Variants in PDE10A observed in about 807,000 individuals in gnomAD.
The protein encoded by PDE10A is phosphodiesterase 10A.
Under a neutral mutation model 97.7 loss-of-function variants are expected in PDE10A, and 39 were observed. The observed-to-expected ratio is 0.40, with a 90% CI of 0.31 to 0.52. The LOEUF is 0.52. Among genes scored for constraint, PDE10A ranks in the 20% least tolerant of loss-of-function variants. PDE10A has a pLI of 0.56. For missense variants in PDE10A, 731 were observed against 1,047.8 expected (o/e 0.70, Z 4.17); for synonymous variants, 371 against 376.8 (o/e 0.98, Z 0.18).
intron 1 of PDE10A, among the ~76,000 whole-genome samples, chr6:165,778,134 G>A (rs898160562): frequency 6.6e-6 from 1 of 151,972 alleles, no homozygotes; most frequent in African/African-American, 2.4e-5. Flanking sequence ...GAGTGCAGTG[G>A]CACGATCTCA....
chr6:165,876,539 A>C (rs959321245), intron 1 of PDE10A, among the ~76,000 whole-genome samples: 1 of 152,116 alleles, frequency 6.6e-6, no homozygotes, highest in Non-Finnish European at 1.5e-5. Context: ...AAACTGAAAA[A>C]CCCAGAAATC....
chr6:165,491,981 G>T (rs1406786848), intron 2 of PDE10A, among the ~76,000 whole-genome samples: 1 of 151,250 alleles, frequency 6.6e-6, no homozygotes, highest in East Asian at 1.9e-4. Context: ...ACCAAGAAAA[G>T]AAGAGAGAAG....
intron 1 of PDE10A, among the ~76,000 whole-genome samples, chr6:165,736,865 A>T (rs1792587531): frequency 6.6e-6 from 1 of 152,124 alleles, no homozygotes; most frequent in South Asian, 2.1e-4. Flanking sequence ...CAATGGATCT[A>T]AGAGTTAGCT....
At chr6:165,815,782 A>G (rs1007651287) in intron 1 of PDE10A, among the ~76,000 whole-genome samples, 8 of 151,952 alleles carry the variant, frequency 5.3e-5, no homozygotes, top group African/African-American at 1.9e-4. Flanking sequence ...TCTTTTTTAA[A>G]TAGTTGCTTC....
intron 1 of PDE10A, among the ~76,000 whole-genome samples, chr6:165,835,508 G>A (rs1033641870): frequency 1.3e-5 from 2 of 152,224 alleles, no homozygotes; most frequent in African/African-American, 4.8e-5. Context: ...TCTGCTGCAC[G>A]AGCTTCCTTC....
intron 1 of PDE10A, among the ~76,000 whole-genome samples, chr6:165,673,911 G>A (rs116596829): frequency 0.01 from 1,558 of 152,284 alleles, 24 homozygotes; most frequent in African/African-American, 0.036. Flanking sequence ...AATATTATCA[G>A]CCACATTATT....
In PDE10A at chr6:165,656,066, G is replaced by C. The variant is rs542053420; in HGVS notation, c.865+5881C>G. ...CTGTGCAGCTCTCTTGGTATTTTTTGTTTCCCTGGCTGGTTCTTGTCTGCA... is the reference window on the plus strand; with the variant it reads ...CTGTGCAGCTCTCTTGGTATTTTTTCTTTCCCTGGCTGGTTCTTGTCTGCA... On this transcript the variant is annotated intron_variant, in intron 1 of 21. Transcript: ENST00000539869. Among the ~76,000 whole-genome samples, 3 of 151,986 alleles carry C rather than the reference G, an allele frequency of 2.0e-5. No individual in the cohort carries two copies. The East Asian group carries it at 5.8e-4, about 30-fold the overall frequency.
intron 1 of PDE10A, among the ~76,000 whole-genome samples, chr6:165,716,790 C>A (rs985784843): frequency 1.3e-5 from 2 of 152,164 alleles, no homozygotes; most frequent in African/African-American, 4.8e-5. Flanking sequence ...GAACCAAAAT[C>A]TTTTATTTGC....
At chr6:165,720,990 A>T (rs1421626680) in intron 1 of PDE10A, among the ~76,000 whole-genome samples, 1 of 152,218 alleles carries the variant, frequency 6.6e-6, no homozygotes, top group Non-Finnish European at 1.5e-5. Flanking sequence ...AATGTTGAGG[A>T]CGTATGGAAA....
chr6:165,370,038 C>T (rs773251357), intron 18 of PDE10A, among the ~76,000 whole-genome samples: 3 of 152,086 alleles, frequency 2.0e-5, no homozygotes, highest in Non-Finnish European at 4.4e-5. Flanking sequence ...CTGAGAGATT[C>T]TGTTACCACC....
chr6:165,336,119 A>G lies in PDE10A; in HGVS notation c.3065+4T>C, dbSNP rs762532390. 3.1e-6 allele frequency: 5 copies of G among 1,603,434 alleles called. No individual in the cohort carries two copies. In the African/African-American group the frequency reaches 5.4e-5, roughly 17 times the overall value. ...ATTTTTACGGCTTGAACCATAGTAC[A>G]TACCTGCATGCTTTCAGAAGAGGCT... On this transcript the variant is annotated splice_donor_region_variant and intron_variant, in intron 21 of 21. Coordinates refer to ENST00000539869, the MANE Select transcript of PDE10A (RefSeq NM_001385079.1).
At chr6:165,432,610 T>C (rs1789678872) in intron 7 of PDE10A, among the ~76,000 whole-genome samples, 1 of 152,044 alleles carries the variant, frequency 6.6e-6, no homozygotes, top group Admixed American at 6.6e-5. Context: ...GACACTAGAG[T>C]CTTTTATGCA....
intron 1 of PDE10A, among the ~76,000 whole-genome samples, chr6:165,573,365 T>A (rs1462791817): frequency 6.6e-6 from 1 of 151,962 alleles, no homozygotes; most frequent in Non-Finnish European, 1.5e-5. Flanking sequence ...ATCTCATGAA[T>A]CTAACATTTT....
At chr6:165,619,439 GTAGTATAGT>G (rs1787969089) in intron 1 of PDE10A, among the ~76,000 whole-genome samples, 64 of 15,464 alleles carry the variant, frequency 4.1e-3, no homozygotes, top group Middle Eastern at 0.056. Flanking sequence ...ATAGTGTAGT[GTAGTATAGT>G]CTAGTGTAGT....
chr6:165,344,021 C>G (rs75167991), intron 18 of PDE10A, among the ~76,000 whole-genome samples: 5 of 152,216 alleles, frequency 3.3e-5, no homozygotes. Context: ...TCACTCTCCC[C>G]GTGCAAGTGT....
At chr6:165,534,122 C>G (rs573618530) in intron 2 of PDE10A, among the ~76,000 whole-genome samples, 1 of 151,778 alleles carries the variant, frequency 6.6e-6, no homozygotes, top group African/African-American at 2.4e-5. Context: ...TTAACAGATA[C>G]CACAGAAATT....
chr6:165,591,500 T>C (rs1786267277), intron 1 of PDE10A, among the ~76,000 whole-genome samples: 1 of 152,048 alleles, frequency 6.6e-6, no homozygotes, highest in African/African-American at 2.4e-5. Context: ...AAAACCCAAG[T>C]CTCCCAATTA....
intron 1 of PDE10A, among the ~76,000 whole-genome samples, chr6:165,621,636 G>A (rs1788138975): frequency 6.6e-6 from 1 of 152,076 alleles, no homozygotes; most frequent in Admixed American, 6.5e-5. Flanking sequence ...GGCGCCTGCA[G>A]TCCCAGCTAC....
At chr6:165,921,450 A>G (rs1027244475) in intron 1 of PDE10A, among the ~76,000 whole-genome samples, 1 of 152,250 alleles carries the variant, frequency 6.6e-6, no homozygotes, top group African/African-American at 2.4e-5. Flanking sequence ...GCCAGATAAT[A>G]AACAATGACA....
Sources: gnomAD v4.1 joint callset for allele counts (sites outside exome capture counted in the v4.1 genomes callset) on GRCh38, gnomAD v4.1.1 for gene constraint, MANE v1.5 for transcripts, NCBI Gene and HGNC (gene_info 2026-07-23, HGNC 2026-07-21) for gene names.